The following ZNF627 variants were observed in gnomAD, a reference collection of about 807,000 sequenced individuals.
ZNF627 encodes zinc finger protein 627.
A neutral mutation model predicts 10.6 loss-of-function variants in ZNF627; 12 were observed. The ratio of observed to expected loss-of-function variants is 1.13; its 90% CI spans 0.73 to 1.84. The LOEUF (loss-of-function observed/expected upper bound fraction) is 1.84, where lower values mean the gene tolerates loss of function less well. ZNF627 is among the 40% of genes most tolerant of loss of function. ZNF627 has a pLI of 0.00. For missense variants in ZNF627, 504 were observed against 568.4 expected, an observed-to-expected ratio of 0.89 and a Z score of 1.15; for synonymous variants, 176 against 187.1, an observed-to-expected ratio of 0.94 and a Z score of 0.48.
Position 11,618,362 on chromosome 19 carries a change from AC to A in ZNF627, c.*474del, listed in dbSNP as rs1973916421. ...ATTTTCTCGGAGGTGATAGGCTTCCACACAGGTCTCCAGAAGCCCTGCATTG... is the reference window on the plus strand; with the variant it reads ...ATTTTCTCGGAGGTGATAGGCTTCCAACAGGTCTCCAGAAGCCCTGCATTG... On this transcript the variant is annotated 3_prime_UTR_variant, in exon 4 of 4. Coordinates refer to ENST00000361113, the MANE Select transcript of ZNF627 (RefSeq NM_145295.4). 6.5e-6 allele frequency: 1 copy of A among 155,028 alleles called. No homozygotes were observed. 9.6% of individuals were successfully genotyped at this position (155,028 alleles called of 1,614,324 possible).
chr19:11,612,847 G>C (rs1207572957), intron 1 of ZNF627, among the ~76,000 whole-genome samples: 1 of 151,424 alleles, frequency 6.6e-6, no homozygotes, highest in African/African-American at 2.4e-5. Context: ...TGTTACTGGG[G>C]GTTGGTGTAT....
chr19:11,615,238 G>GGCCATGAATATCATTTTCTTTCTTT, intron 3 of ZNF627, among the ~76,000 whole-genome samples: 1 of 150,278 alleles, frequency 6.7e-6, no homozygotes, highest in East Asian at 2.0e-4. Flanking sequence ...GAGCCACCAT[G>GGCCATGAATATCATTTTCTTTCTTT]CCCAGCAGGA....
intron 1 of ZNF627, among the ~76,000 whole-genome samples, chr19:11,613,650 C>G (rs1973817222): frequency 6.6e-6 from 1 of 152,060 alleles, no homozygotes; most frequent in South Asian, 2.1e-4. Context: ...GCCACCGTGC[C>G]CAGCCAGATT....
In ZNF627 at chr19:11,598,902, C is replaced by G. The variant is rs191802026; in HGVS notation, c.3+1272C>G. Among the ~76,000 whole-genome samples, 9 of 152,216 alleles carry G rather than the reference C, an allele frequency of 5.9e-5. No homozygotes were observed. The East Asian group carries it at 1.5e-3, about 26-fold the overall frequency. Reference sequence around the variant, plus strand: ...TGTTCTCAGAATGTCTTTTGGTTGGCCTGGTGCCATGGCTCATGTCTGTAA... The same window carrying G: ...TGTTCTCAGAATGTCTTTTGGTTGGGCTGGTGCCATGGCTCATGTCTGTAA... On this transcript the variant is annotated intron_variant, in intron 1 of 3. Transcript: ENST00000361113.
chr19:11,601,493 T>C (rs770236340), intron 1 of ZNF627, among the ~76,000 whole-genome samples: 4 of 152,054 alleles, frequency 2.6e-5, no homozygotes, highest in Non-Finnish European at 5.9e-5. Flanking sequence ...GCATGTGCCA[T>C]GATGCCTGGC....
At chr19:11,603,199 G>A (rs1243571013) in intron 1 of ZNF627, among the ~76,000 whole-genome samples, 1 of 152,018 alleles carries the variant, frequency 6.6e-6, no homozygotes, top group Non-Finnish European at 1.5e-5. Context: ...ATGAAAGTTT[G>A]GGCAGGGGAT....
chr19:11,612,937 T>C (rs1217751337), intron 1 of ZNF627, among the ~76,000 whole-genome samples: 1 of 151,504 alleles, frequency 6.6e-6, no homozygotes, highest in Non-Finnish European at 1.5e-5. Context: ...CCACTTCAAG[T>C]AGGCCGCGGT....
intron 1 of ZNF627, among the ~76,000 whole-genome samples, chr19:11,603,066 T>G (rs922244291): frequency 6.6e-6 from 1 of 152,210 alleles, no homozygotes; most frequent in African/African-American, 2.4e-5. Flanking sequence ...CTTCCTCTTT[T>G]GAATTTTTAG....
chr19:11,607,943 T>C (rs535875087), intron 1 of ZNF627, among the ~76,000 whole-genome samples: 3 of 152,304 alleles, frequency 2.0e-5, no homozygotes, highest in African/African-American at 7.2e-5. Context: ...CCAGTACCAA[T>C]TTACTATATT....
intron 1 of ZNF627, among the ~76,000 whole-genome samples, chr19:11,608,600 G>T (rs1973714085): frequency 1.3e-5 from 2 of 152,304 alleles, no homozygotes; most frequent in Admixed American, 1.3e-4. Context: ...GATTCGTGGT[G>T]TTGAGCATAT....
At chr19:11,615,740 G>T (rs1973856103) in intron 3 of ZNF627, among the ~76,000 whole-genome samples, 2 of 146,286 alleles carry the variant, frequency 1.4e-5, no homozygotes, top group Non-Finnish European at 1.5e-5. Context: ...TTTTGAGAGG[G>T]AATTTCACAA....
intron 1 of ZNF627, among the ~76,000 whole-genome samples, chr19:11,601,212 C>T (rs1280610484): frequency 6.6e-6 from 1 of 152,190 alleles, no homozygotes; most frequent in East Asian, 1.9e-4. Flanking sequence ...GCTGGGGATT[C>T]ATAGGCAGAG....
Position 11,617,110 on chromosome 19 carries a change from G to A in ZNF627, c.607G>A (p.Ala203Thr). 2 of 1,614,104 alleles carry A rather than the reference G, an allele frequency of 1.2e-6. No individual in the cohort carries two copies. The highest frequency in any genetic ancestry group is 1.7e-6 in the Non-Finnish European group (2 of 1,180,024). Residue 203 changes from alanine (A) to threonine (T), a missense_variant, in exon 4 of 4, where the codon GCC becomes ACC. By Grantham distance (58) the Ala-to-Thr change is moderately conservative. Transcript: ENST00000361113. ...VPYKCKVCGK[A>T]FDYPSLFRIH... ...TTACAAATGTAAGGTGTGTGGGAAAGCCTTTGATTATCCCAGTTTATTTCG... is the reference window on the plus strand; with the variant it reads ...TTACAAATGTAAGGTGTGTGGGAAAACCTTTGATTATCCCAGTTTATTTCG...
At chr19:11,616,601 A>G in intron 3 of ZNF627, 94 bp from the exon 4 acceptor site, 1 of 871,472 alleles carries the variant, frequency 1.1e-6, no homozygotes. Flanking sequence ...CTCTGTATTT[A>G]AAAACAAGTA....
rs1973909241 is a variant in ZNF627, at chr19:11,617,967, A to G, written c.*78A>G. On this transcript the variant is annotated 3_prime_UTR_variant, in exon 4 of 4. Transcript: ENST00000361113. ...GCCTTCAGTCCTTTCTGTTTCTTTCAACTACGTGAAAGGATTCACAGTGGA... is the reference window on the plus strand; with the variant it reads ...GCCTTCAGTCCTTTCTGTTTCTTTCGACTACGTGAAAGGATTCACAGTGGA... The G allele has an allele frequency of 4.7e-6, 6 of 1,268,018 alleles. No individual in the cohort carries two copies. Among genetic ancestry groups the G allele is most frequent in the Non-Finnish European group, 6.4e-6 (6 of 933,934 alleles). The allele number at this position is 1,268,018 out of a possible 1,614,324, so 78.5% of individuals were successfully genotyped here.
intron 1 of ZNF627, among the ~76,000 whole-genome samples, chr19:11,599,631 C>T (rs938514415): frequency 2.6e-5 from 4 of 152,076 alleles, no homozygotes; most frequent in Admixed American, 2.0e-4. Flanking sequence ...TTAGGCCGGG[C>T]GCGGTGGCTC....
chr19:11,606,233 A>G (rs944833063), intron 1 of ZNF627, among the ~76,000 whole-genome samples: 2 of 152,040 alleles, frequency 1.3e-5, no homozygotes, highest in South Asian at 4.2e-4. Flanking sequence ...GCTACTCGGG[A>G]GGCTGAGGCA....
Position 11,617,955 on chromosome 19 carries a change from T to C in ZNF627, c.*66T>C. 7.4e-7 allele frequency: 1 copy of C among 1,352,992 alleles called. No homozygotes were observed. The highest frequency in any genetic ancestry group is 1.5e-5 in the South Asian group (1 of 66,238). 83.8% of individuals were successfully genotyped at this position (1,352,992 alleles called of 1,614,324 possible). Reference sequence around the variant, plus strand: ...AAATTTGGGAAAGCCTTCAGTCCTTTCTGTTTCTTTCAACTACGTGAAAGG... The same window carrying C: ...AAATTTGGGAAAGCCTTCAGTCCTTCCTGTTTCTTTCAACTACGTGAAAGG... On this transcript the variant is annotated 3_prime_UTR_variant, in exon 4 of 4. Coordinates refer to ENST00000361113, the MANE Select transcript of ZNF627 (RefSeq NM_145295.4).
chr19:11,607,894 C>T (rs1392381604), intron 1 of ZNF627, among the ~76,000 whole-genome samples: 1 of 152,140 alleles, frequency 6.6e-6, no homozygotes, highest in African/African-American at 2.4e-5. Context: ...AAGTTGCTTC[C>T]ACATTTTCAG....
Sources: gnomAD v4.1 joint callset for allele counts (sites outside exome capture counted in the v4.1 genomes callset) on GRCh38, gnomAD v4.1.1 for gene constraint, MANE v1.5 for transcripts, NCBI Gene and HGNC (gene_info 2026-07-23, HGNC 2026-07-21) for gene names.